CCDC60: variants seen among roughly 807,000 people sequenced by gnomAD.
CCDC60 encodes coiled-coil domain containing 60, also known as coiled-coil domain-containing protein 60.
Under a neutral mutation model 63.5 loss-of-function variants are expected in CCDC60, and 54 were observed. The ratio of observed to expected loss-of-function variants is 0.85; its 90% CI spans 0.68 to 1.07. The LOEUF is 1.07. CCDC60 is among the 50% of genes least tolerant of loss of function. The pLI, the probability that CCDC60 is intolerant of heterozygous loss-of-function variation, is 0.00. For synonymous variants in CCDC60, 206 were observed against 238.8 expected, an observed-to-expected ratio of 0.86 and a Z score of 1.27; for missense variants, 651 against 684.3, an observed-to-expected ratio of 0.95 and a Z score of 0.54.
At chr12:119,498,113 C>A (rs945765798) in intron 5 of CCDC60, among the ~76,000 whole-genome samples, 2 of 152,170 alleles carry the variant, frequency 1.3e-5, no homozygotes, top group Non-Finnish European at 2.9e-5. Flanking sequence ...AGAGAGGACA[C>A]CCCCAACTCC....
At chr12:119,484,200 A>T (rs917859464) in intron 4 of CCDC60, among the ~76,000 whole-genome samples, 6 of 152,106 alleles carry the variant, frequency 3.9e-5, no homozygotes, top group African/African-American at 1.2e-4. Flanking sequence ...GAGGCCCTTT[A>T]TGCCTCAGTT....
chr12:119,504,222 C>T (rs1951930964), intron 6 of CCDC60, among the ~76,000 whole-genome samples: 1 of 152,110 alleles, frequency 6.6e-6, no homozygotes, highest in Admixed American at 6.6e-5. Flanking sequence ...TTGCTGTGAC[C>T]TTGAGGAGGT....
At chr12:119,465,568 G>C (rs1399360476) in intron 2 of CCDC60, among the ~76,000 whole-genome samples, 1 of 151,996 alleles carries the variant, frequency 6.6e-6, no homozygotes, top group Non-Finnish European at 1.5e-5. Context: ...GACCAGCCTT[G>C]ATAACATGGT....
At chr12:119,538,412 A>G (rs1471792120) in intron 13 of CCDC60, among the ~76,000 whole-genome samples, 1 of 152,126 alleles carries the variant, frequency 6.6e-6, no homozygotes, top group Non-Finnish European at 1.5e-5. Flanking sequence ...CTTGCCCTCC[A>G]TGGGCTGCAC....
At chr12:119,444,618 T>C (rs904473820) in intron 2 of CCDC60, among the ~76,000 whole-genome samples, 7 of 152,310 alleles carry the variant, frequency 4.6e-5, no homozygotes, top group South Asian at 2.1e-4. Flanking sequence ...CGCTGTGTCC[T>C]CCACTGCCAT....
At chr12:119,396,782 G>A (rs1196177812) in intron 1 of CCDC60, among the ~76,000 whole-genome samples, 3 of 152,192 alleles carry the variant, frequency 2.0e-5, no homozygotes, top group Non-Finnish European at 2.9e-5. Flanking sequence ...TCAAGATGCT[G>A]AGGCAGGAGG....
intron 7 of CCDC60, among the ~76,000 whole-genome samples, chr12:119,515,085 G>A (rs1952320278): frequency 6.6e-6 from 1 of 152,118 alleles, no homozygotes; most frequent in South Asian, 2.1e-4. Flanking sequence ...TTGTGGGAGT[G>A]CACTCTATAA....
chr12:119,527,662 C>CTTTTTTTTT (rs1952716549), intron 11 of CCDC60, among the ~76,000 whole-genome samples: 2 of 93,268 alleles, frequency 2.1e-5, no homozygotes, highest in East Asian at 2.8e-4. Context: ...TTCTTTCTTT[C>CTTTTTTTTT]TTTCTTTTTT....
chr12:119,458,478 G>A (rs771808131), intron 2 of CCDC60, among the ~76,000 whole-genome samples: 1 of 152,070 alleles, frequency 6.6e-6, no homozygotes, highest in East Asian at 1.9e-4. Context: ...TTTTAACACA[G>A]TGATTTGTGG....
chr12:119,504,929 G>A, intron 6 of CCDC60, 140 bp from the exon 7 acceptor site: 1 of 613,442 alleles, frequency 1.6e-6, no homozygotes, highest in Non-Finnish European at 2.9e-6. Flanking sequence ...TTTGGAAAGA[G>A]CCAGAAGGAA....
chr12:119,536,967 G>A (rs921872999), intron 13 of CCDC60, among the ~76,000 whole-genome samples: 3 of 152,102 alleles, frequency 2.0e-5, no homozygotes, highest in African/African-American at 4.8e-5. Context: ...TGCCTTGCTC[G>A]GTTGGGGAAG....
chr12:119,478,240 A>G (rs1479932243), intron 3 of CCDC60, among the ~76,000 whole-genome samples: 12 of 151,978 alleles, frequency 7.9e-5, no homozygotes. Flanking sequence ...GCTTGAACCT[A>G]GGAGGCAGAG....
Position 119,466,069 on chromosome 12 carries a change from G to A in CCDC60, c.171-5925G>A, listed in dbSNP as rs113825644. On this transcript the variant is annotated intron_variant, in intron 2 of 13. Coordinates refer to ENST00000327554, the MANE Select transcript of CCDC60 (RefSeq NM_178499.5). Reference sequence around the variant, plus strand: ...TTTGCACATGTTGTTCCTGCTACTGGAATACTCTTCCCCCAACAAGTATCT... The same window carrying A: ...TTTGCACATGTTGTTCCTGCTACTGAAATACTCTTCCCCCAACAAGTATCT... Among the ~76,000 whole-genome samples, 1,059 of 152,238 alleles carry A rather than the reference G, an allele frequency of 7.0e-3. 5 individuals are homozygous for A. The highest frequency in any genetic ancestry group is 0.058 in the Middle Eastern group (17 of 294).
rs60025828 is a variant in CCDC60 at position 119,519,467 on chromosome 12, A to ATTT, written c.969-641_969-639dup. ...TGTGTGTGTGTATATATATATATAT[A>ATTT]TTTTTTTTTTTTTTTGACAGAGTCA... On this transcript the variant is annotated intron_variant, in intron 8 of 13. Transcript: ENST00000327554. Among the ~76,000 whole-genome samples, 433 of 95,274 alleles carry ATTT rather than the reference A, an allele frequency of 4.5e-3. 11 individuals carry two copies. The highest frequency in any genetic ancestry group is 0.015 in the African/African-American group (409 of 26,826). 62.5% of individuals were successfully genotyped at this position (95,274 alleles called of 152,430 possible). A position where few individuals can be genotyped will look rare whatever the true frequency, so the allele number is the denominator to read the frequency against.
At chr12:119,432,330 C>T (rs7967638) in intron 2 of CCDC60, among the ~76,000 whole-genome samples, 9,625 of 152,266 alleles carry the variant, frequency 0.063, 300 homozygotes, top group East Asian at 0.097. Flanking sequence ...CTCTGTTCCA[C>T]AGCTTTGCCC....
At chr12:119,471,438 T>C (rs1442625894) in intron 2 of CCDC60, among the ~76,000 whole-genome samples, 4 of 152,232 alleles carry the variant, frequency 2.6e-5, no homozygotes, top group Non-Finnish European at 4.4e-5. Flanking sequence ...GCCAAGCACT[T>C]CACTGCTGAC....
At chr12:119,382,046 G>A (rs1323286301) in intron 1 of CCDC60, among the ~76,000 whole-genome samples, 4 of 152,122 alleles carry the variant, frequency 2.6e-5, no homozygotes, top group African/African-American at 4.8e-5. Context: ...GAGATAAGGC[G>A]GGGCAGGGGC....
At chr12:119,507,586 A>T (rs1952071491) in intron 7 of CCDC60, among the ~76,000 whole-genome samples, 1 of 28,796 alleles carries the variant, frequency 3.5e-5, no homozygotes, top group East Asian at 3.4e-3. Flanking sequence ...ATACACATAT[A>T]TATACATATA....
At chr12:119,461,909 T>A (rs952607575) in intron 2 of CCDC60, among the ~76,000 whole-genome samples, 1 of 152,210 alleles carries the variant, frequency 6.6e-6, no homozygotes, top group African/African-American at 2.4e-5. Context: ...CGTTTTTAAA[T>A]GGGCCTCCGC....
Sources: allele counts gnomAD v4.1 joint callset (sites outside exome capture counted in the v4.1 genomes callset), GRCh38; gene constraint gnomAD v4.1.1; transcripts MANE v1.5; gene names NCBI Gene and HGNC (gene_info 2026-07-23, HGNC 2026-07-21).